Variants in SYN3 observed in about 807,000 individuals in gnomAD.
SYN3 encodes synapsin III.
In SYN3, 35 loss-of-function variants were observed where a neutral mutation model predicts 65.8. That is an observed-to-expected ratio of 0.53 (90% CI 0.41 to 0.70). The LOEUF (loss-of-function observed/expected upper bound fraction) is 0.70. Among genes scored for constraint, SYN3 ranks in the 30% least tolerant of loss-of-function variants. SYN3 has a pLI of 0.00. For synonymous variants in SYN3, 270 were observed against 292.9 expected (o/e 0.92, Z 0.80); for missense variants, 680 against 749.0 (o/e 0.91, Z 1.08).
chr22:32,767,895 C>G (rs1032511493), intron 6 of SYN3, among the ~76,000 whole-genome samples: 1 of 152,182 alleles, frequency 6.6e-6, no homozygotes, highest in African/African-American at 2.4e-5. Context: ...TATGTGTTAA[C>G]TACTCCCAAA....
chr22:32,642,250 C>T (rs1231345299), intron 6 of SYN3, among the ~76,000 whole-genome samples: 1 of 151,616 alleles, frequency 6.6e-6, no homozygotes, highest in African/African-American at 2.4e-5. Context: ...GATCATGCCA[C>T]TGCACTCCAG....
chr22:32,944,556 A>T (rs2051044850), intron 3 of SYN3, among the ~76,000 whole-genome samples: 1 of 152,186 alleles, frequency 6.6e-6, no homozygotes, highest in Non-Finnish European at 1.5e-5. Context: ...AAATAATAAG[A>T]GCTATTTATG....
At chr22:32,880,905 T>C (rs1253078676) in intron 4 of SYN3, among the ~76,000 whole-genome samples, 1 of 152,208 alleles carries the variant, frequency 6.6e-6, no homozygotes, top group East Asian at 1.9e-4. Flanking sequence ...ACCCAGGGGC[T>C]GCTGAGATGT....
At chr22:32,903,516 TA>T (rs1569315254) in intron 4 of SYN3, among the ~76,000 whole-genome samples, 1 of 152,076 alleles carries the variant, frequency 6.6e-6, no homozygotes, top group Non-Finnish European at 1.5e-5. Context: ...AGCTTGTGGG[TA>T]GGGGGAGGGG....
chr22:32,620,438 A>G (rs1369878845), intron 6 of SYN3, among the ~76,000 whole-genome samples: 6 of 152,110 alleles, frequency 3.9e-5, no homozygotes, highest in Non-Finnish European at 1.5e-5. Context: ...CACTTTTGGT[A>G]TAGACAAGGT....
chr22:32,723,553 G>T (rs1402834435), intron 6 of SYN3, among the ~76,000 whole-genome samples: 1 of 152,068 alleles, frequency 6.6e-6, no homozygotes, highest in African/African-American at 2.4e-5. Flanking sequence ...GGCTGGTGGA[G>T]GAACTCTCCC....
chr22:32,789,453 T>A (rs1009889176), intron 6 of SYN3, among the ~76,000 whole-genome samples: 8 of 152,310 alleles, frequency 5.3e-5, no homozygotes, highest in Admixed American at 1.3e-4. Context: ...CTGAGAACTC[T>A]GATATAAAAC....
intron 6 of SYN3, among the ~76,000 whole-genome samples, chr22:32,664,273 T>A (rs1321451641): frequency 6.6e-6 from 1 of 152,178 alleles, no homozygotes; most frequent in Non-Finnish European, 1.5e-5. Context: ...CCTTTGCAAT[T>A]GAAACCATCC....
intron 4 of SYN3, among the ~76,000 whole-genome samples, chr22:32,912,393 G>A (rs1226721759): frequency 7.5e-6 from 1 of 132,790 alleles, no homozygotes; most frequent in African/African-American, 2.5e-5. Flanking sequence ...AAATGTGGCT[G>A]AAACTGAGAC....
chr22:32,707,680 A>AT (rs72565584), intron 6 of SYN3, among the ~76,000 whole-genome samples: 14 of 131,494 alleles, frequency 1.1e-4, no homozygotes, highest in South Asian at 8.7e-4. Context: ...TGAAATGGAG[A>AT]TTTTTTCCCT....
chr22:33,007,012 T>C (rs1384557842), intron 1 of SYN3, among the ~76,000 whole-genome samples, 188 bp from the exon 2 acceptor site: 2 of 152,222 alleles, frequency 1.3e-5, no homozygotes, highest in East Asian at 1.9e-4. Context: ...TGGAATTATA[T>C]CGCAAAGAAA....
At chr22:32,736,857 C>G (rs1278782824) in intron 6 of SYN3, among the ~76,000 whole-genome samples, 1 of 152,162 alleles carries the variant, frequency 6.6e-6, no homozygotes, top group Non-Finnish European at 1.5e-5. Flanking sequence ...AAAGACCCCA[C>G]CAACCCCTTC....
At chr22:32,643,814 G>A (rs1401160301) in intron 6 of SYN3, among the ~76,000 whole-genome samples, 3 of 151,756 alleles carry the variant, frequency 2.0e-5, no homozygotes, top group South Asian at 2.1e-4. Context: ...ACAAGGGGCC[G>A]GGCGCGGTGG....
At chr22:32,859,462 A>T in intron 6 of SYN3, 1 of 1,476,594 alleles carries the variant, frequency 6.8e-7, no homozygotes, top group Non-Finnish European at 9.1e-7. Context: ...ATGACAATGA[A>T]ATTAGTGCCT....
chr22:32,545,539 T>C (rs529072991), intron 7 of SYN3, among the ~76,000 whole-genome samples: 1 of 152,246 alleles, frequency 6.6e-6, no homozygotes, highest in Admixed American at 6.5e-5. Context: ...ACAGTGAGCA[T>C]GGAACCCAGG....
intron 4 of SYN3, among the ~76,000 whole-genome samples, chr22:32,889,178 G>T (rs1450680301): frequency 6.6e-6 from 1 of 152,222 alleles, no homozygotes; most frequent in Non-Finnish European, 1.5e-5. Context: ...AGCTAAACAT[G>T]TGCAAAAGGA....
intron 6 of SYN3, among the ~76,000 whole-genome samples, chr22:32,754,699 C>A (rs895081155): frequency 4.6e-5 from 7 of 152,252 alleles, no homozygotes; most frequent in Admixed American, 3.3e-4. Context: ...GTTCCCTGAG[C>A]ATACCATACA....
At chr22:32,841,176 C>T (rs992372762) in intron 6 of SYN3, among the ~76,000 whole-genome samples, 1 of 152,218 alleles carries the variant, frequency 6.6e-6, no homozygotes, top group African/African-American at 2.4e-5. Flanking sequence ...ATGTGCCAGG[C>T]ACTCTTCGGG....
rs1240818892 is a variant in SYN3 at position 32,511,167 on chromosome 22, C to T, written c.*2525G>A. ...TCACCTCCCGTCTCTTTTCCCTATGCCCCACTTGGCTTTCTTCAGAAATTC... is the reference window on the plus strand; with the variant it reads ...TCACCTCCCGTCTCTTTTCCCTATGTCCCACTTGGCTTTCTTCAGAAATTC... On this transcript the variant is annotated 3_prime_UTR_variant, in exon 14 of 14. Coordinates refer to ENST00000358763, the MANE Select transcript of SYN3 (RefSeq NM_003490.4). Among the ~76,000 whole-genome samples the T allele has an allele frequency of 7.9e-5, 12 of 152,196 alleles. No homozygotes were observed. Among genetic ancestry groups the T allele is most frequent in the Non-Finnish European group, 1.8e-4 (12 of 68,040 alleles).
Sources: gnomAD v4.1 joint callset for allele counts (sites outside exome capture counted in the v4.1 genomes callset) on GRCh38, gnomAD v4.1.1 for gene constraint, MANE v1.5 for transcripts, NCBI Gene and HGNC (gene_info 2026-07-23, HGNC 2026-07-21) for gene names.